The following ST3GAL2 variants were observed in gnomAD, a reference collection of about 807,000 sequenced individuals.
ST3GAL2 encodes CMP-N-acetylneuraminate-beta-galactosamide-alpha-2,3-sialyltransferase 2.
Under a neutral mutation model 37.5 loss-of-function variants are expected in ST3GAL2, and 16 were observed. That is an observed-to-expected ratio of 0.43 (90% CI 0.29 to 0.65). The LOEUF is 0.65. Ranked by LOEUF, ST3GAL2 falls within the 30% of genes least tolerant of loss-of-function variation. The pLI, the probability that ST3GAL2 is intolerant of heterozygous loss-of-function variation, is 0.17. For missense variants in ST3GAL2, 383 were observed against 487.8 expected (o/e 0.79, Z 2.02); for synonymous variants, 238 against 202.9 (o/e 1.17, Z -1.47).
At chr16:70,435,048 A>C (rs62049029) in intron 1 of ST3GAL2, among the ~76,000 whole-genome samples, 6,435 of 152,294 alleles carry the variant, frequency 0.042, 203 homozygotes, top group Non-Finnish European at 0.055. Flanking sequence ...TTGGTTGGGG[A>C]AACAGGCACA....
At chr16:70,411,502 C>T (rs898143097) in intron 1 of ST3GAL2, among the ~76,000 whole-genome samples, 11 of 152,234 alleles carry the variant, frequency 7.2e-5, no homozygotes, top group Middle Eastern at 3.4e-3. Context: ...GCTATGGCAG[C>T]CATCTCACGA....
At chr16:70,384,648 T>A (rs1272231470) in intron 4 of ST3GAL2, among the ~76,000 whole-genome samples, 1 of 139,054 alleles carries the variant, frequency 7.2e-6, no homozygotes, top group Non-Finnish European at 1.5e-5. Flanking sequence ...GAGGTTGCAG[T>A]GAGCCGACAT....
intron 2 of ST3GAL2, 137 bp from the exon 3 acceptor site, chr16:70,395,312 A>G: frequency 1.3e-6 from 1 of 793,276 alleles, no homozygotes; most frequent in Non-Finnish European, 1.9e-6. Flanking sequence ...CTGCCAGGGA[A>G]CAGGGGTTCT....
intron 1 of ST3GAL2, among the ~76,000 whole-genome samples, chr16:70,418,705 C>T (rs1428386339): frequency 3.3e-5 from 5 of 152,290 alleles, no homozygotes; most frequent in East Asian, 1.9e-4. Flanking sequence ...TACATAGATA[C>T]GCTCTAGCCT....
intron 3 of ST3GAL2, 117 bp downstream of exon 3, chr16:70,394,864 AG>A: frequency 1.8e-6 from 2 of 1,140,274 alleles, no homozygotes; most frequent in Non-Finnish European, 2.5e-6. Flanking sequence ...TCTGGGAGGC[AG>A]GGCCCCACAG....
chr16:70,416,653 T>C (rs2047678498), intron 1 of ST3GAL2, among the ~76,000 whole-genome samples: 1 of 152,230 alleles, frequency 6.6e-6, no homozygotes. Context: ...TAAGTATGCA[T>C]ATGAAAGTGA....
intron 1 of ST3GAL2, among the ~76,000 whole-genome samples, chr16:70,409,543 G>T (rs373229826): frequency 6.6e-6 from 1 of 152,134 alleles, no homozygotes; most frequent in African/African-American, 2.4e-5. Flanking sequence ...GGGTTTAACC[G>T]TGTTGGCCAG....
At chr16:70,428,648 G>C (rs114741736) in intron 1 of ST3GAL2, among the ~76,000 whole-genome samples, 1,653 of 152,268 alleles carry the variant, frequency 0.011, 26 homozygotes, top group African/African-American at 0.038. Flanking sequence ...GCTCAAACTG[G>C]ACTTCTCAAG....
rs760496994 is a variant in ST3GAL2, at chr16:70,380,451, G to A, written c.*1238C>T. On this transcript the variant is annotated 3_prime_UTR_variant, in exon 7 of 7. Coordinates refer to ENST00000342907, the MANE Select transcript of ST3GAL2 (RefSeq NM_006927.4). ...CTCCTAAACCTCCCCAGCTTCGAAG[G>A]GGGAGAATTCCACCAGCAGCCCCGT... 1.3e-5 allele frequency: 2 copies of A among 152,308 alleles called. No homozygotes were observed. Among genetic ancestry groups the A allele is most frequent in the African/African-American group, 2.4e-5 (1 of 41,466 alleles). The allele number at this position is 152,308 out of a possible 1,614,324, so 9.4% of individuals were successfully genotyped here.
At chr16:70,389,028 CG>C (rs2047462493) in intron 3 of ST3GAL2, among the ~76,000 whole-genome samples, 2 of 142,978 alleles carry the variant, frequency 1.4e-5, no homozygotes, top group Admixed American at 7.1e-5. Flanking sequence ...GAGCCGACAT[CG>C]CACCACCGCA....
At chr16:70,416,412 T>C (rs1291683753) in intron 1 of ST3GAL2, among the ~76,000 whole-genome samples, 3 of 152,134 alleles carry the variant, frequency 2.0e-5, no homozygotes, top group Non-Finnish European at 4.4e-5. Context: ...TAAAAAGACA[T>C]GTATGTGTCT....
Position 70,398,715 on chromosome 16 carries a change from G to A in ST3GAL2, c.-185C>T. The A allele has an allele frequency of 3.2e-6, 2 of 632,312 alleles. No homozygotes were observed. The highest frequency in any genetic ancestry group is 5.5e-6 in the Non-Finnish European group (2 of 366,420). 39.2% of individuals were successfully genotyped at this position (632,312 alleles called of 1,614,324 possible). On this transcript the variant is annotated 5_prime_UTR_variant, in exon 2 of 7. Coordinates refer to ENST00000342907, the MANE Select transcript of ST3GAL2 (RefSeq NM_006927.4). ...CCTCATGTAGGGAGAACACACGTTGGCAGGAGTGGCTGTCCTGTCCCTGAG... is the reference window on the plus strand; with the variant it reads ...CCTCATGTAGGGAGAACACACGTTGACAGGAGTGGCTGTCCTGTCCCTGAG...
At chr16:70,397,985 C>T (rs1452246477) in intron 2 of ST3GAL2, among the ~76,000 whole-genome samples, 1 of 152,214 alleles carries the variant, frequency 6.6e-6, no homozygotes, top group Non-Finnish European at 1.5e-5. Context: ...CATTTCTGGC[C>T]TATGCTCGGG....
At chr16:70,402,283 C>CA (rs1042560583) in intron 1 of ST3GAL2, among the ~76,000 whole-genome samples, 5,683 of 39,288 alleles carry the variant, frequency 0.14, 430 homozygotes, top group Non-Finnish European at 0.17. Context: ...AACTATTTCT[C>CA]AAAAAAAAAA....
intron 1 of ST3GAL2, among the ~76,000 whole-genome samples, chr16:70,417,055 A>G (rs1234473032): frequency 2.0e-5 from 3 of 152,222 alleles, no homozygotes; most frequent in Non-Finnish European, 4.4e-5. Flanking sequence ...TGGGTTTGCC[A>G]CTTGTCAGCT....
chr16:70,437,053 G>A (rs1404312398), intron 1 of ST3GAL2, among the ~76,000 whole-genome samples: 1 of 152,182 alleles, frequency 6.6e-6, no homozygotes, highest in African/African-American at 2.4e-5. Context: ...CCTGAGGCTT[G>A]GCCGGAGTAG....
intron 2 of ST3GAL2, among the ~76,000 whole-genome samples, chr16:70,395,382 G>C (rs570975936): frequency 6.6e-6 from 1 of 152,372 alleles, no homozygotes; most frequent in Non-Finnish European, 1.5e-5. Context: ...CCGGTTGTGA[G>C]TGAGTCTCAA....
intron 1 of ST3GAL2, among the ~76,000 whole-genome samples, chr16:70,424,279 G>A (rs532852734): frequency 6.8e-6 from 1 of 147,468 alleles, no homozygotes. Flanking sequence ...ACAGGTGTGA[G>A]CCACTGCGCC....
chr16:70,380,287 C>T lies in ST3GAL2; in HGVS notation c.*1402G>A, dbSNP rs956658907. 1 of 152,326 alleles carries T rather than the reference C, an allele frequency of 6.6e-6. No homozygotes were observed. The highest frequency in any genetic ancestry group is 2.4e-5 in the African/African-American group (1 of 41,472). The allele number at this position is 152,326 out of a possible 1,614,324, so 9.4% of individuals were successfully genotyped here. Reference sequence around the variant, plus strand: ...CAAAGTCCCCTGCCGGTCCCTGTTCCCTCAGCCAGCTGCAGGAACCTACCA... The same window carrying T: ...CAAAGTCCCCTGCCGGTCCCTGTTCTCTCAGCCAGCTGCAGGAACCTACCA... On this transcript the variant is annotated 3_prime_UTR_variant, in exon 7 of 7. Coordinates refer to ENST00000342907, the MANE Select transcript of ST3GAL2 (RefSeq NM_006927.4).
Sources: allele counts gnomAD v4.1 joint callset (sites outside exome capture counted in the v4.1 genomes callset), GRCh38; gene constraint gnomAD v4.1.1; transcripts MANE v1.5; gene names NCBI Gene and HGNC (gene_info 2026-07-23, HGNC 2026-07-21).